NPAS3: variants seen among roughly 807,000 people sequenced by gnomAD.
NPAS3 encodes neuronal PAS domain protein 3.
NPAS3 carries 14 observed loss-of-function variants against 73.1 expected under a neutral mutation model. The observed-to-expected ratio is 0.19, with a 90% confidence interval of 0.13 to 0.30. The LOEUF (loss-of-function observed/expected upper bound fraction) is 0.30, where lower values mean the gene tolerates loss of function less well. Ranked by LOEUF, NPAS3 falls within the 10% of genes least tolerant of loss-of-function variation. NPAS3 has a pLI of 1.00. For synonymous variants in NPAS3, 620 were observed against 541.5 expected (o/e 1.14, Z -2.01); for missense variants, 1,096 against 1,250.0 (o/e 0.88, Z 1.86).
intron 3 of NPAS3, among the ~76,000 whole-genome samples, chr14:33,340,092 A>G (rs1382847596): frequency 6.6e-6 from 1 of 152,156 alleles, no homozygotes; most frequent in Non-Finnish European, 1.5e-5. Context: ...TTTTTGAATA[A>G]GGAAACATAT....
chr14:33,234,406 T>G (rs2047958021), intron 3 of NPAS3, among the ~76,000 whole-genome samples: 1 of 152,146 alleles, frequency 6.6e-6, no homozygotes, highest in Non-Finnish European at 1.5e-5. Context: ...ATTTGAAAGA[T>G]AAACTGTGGT....
chr14:33,270,727 T>G (rs1206254866), intron 3 of NPAS3, among the ~76,000 whole-genome samples: 4 of 152,208 alleles, frequency 2.6e-5, no homozygotes, highest in African/African-American at 9.6e-5. Flanking sequence ...TTAAAATAAC[T>G]TTGTGGCTTT....
At chr14:33,661,552 C>G (rs1457695756) in intron 5 of NPAS3, among the ~76,000 whole-genome samples, 1 of 152,290 alleles carries the variant, frequency 6.6e-6, no homozygotes. Flanking sequence ...TATTACAATA[C>G]ATATTATTTT....
At chr14:32,986,647 CT>C (rs1173736329) in intron 1 of NPAS3, among the ~76,000 whole-genome samples, 1 of 152,180 alleles carries the variant, frequency 6.6e-6, no homozygotes, top group Non-Finnish European at 1.5e-5. Flanking sequence ...GTGTCTCATT[CT>C]ACATTTTTAA....
At chr14:33,047,906 A>G (rs750019866) in intron 1 of NPAS3, among the ~76,000 whole-genome samples, 24 of 152,106 alleles carry the variant, frequency 1.6e-4, no homozygotes, top group Non-Finnish European at 2.8e-4. Flanking sequence ...TCCATCTGAG[A>G]TTTGCTGTAT....
intron 5 of NPAS3, among the ~76,000 whole-genome samples, chr14:33,590,107 T>C (rs1025854707): frequency 2.0e-5 from 3 of 152,204 alleles, no homozygotes; most frequent in Admixed American, 6.5e-5. Flanking sequence ...AGATTATTTA[T>C]ATAAGTTCAA....
chr14:33,386,824 G>A (rs1355870380), intron 4 of NPAS3, among the ~76,000 whole-genome samples: 6 of 152,116 alleles, frequency 3.9e-5, no homozygotes, highest in Non-Finnish European at 5.9e-5. Context: ...TGAGAATCAG[G>A]TGGGCGTCTT....
chr14:33,344,702 A>G lies in NPAS3; in HGVS notation c.386-22484A>G, dbSNP rs144216501. On this transcript the variant is annotated intron_variant, in intron 3 of 11. Coordinates refer to ENST00000356141, the Ensembl canonical transcript of NPAS3. ...AACATTTGAATCATATAATAAAGCA[A>G]TTTTGTCAATTTATATCTCTCTTTA... 6.0e-4 allele frequency among the ~76,000 whole-genome samples: 91 copies of G among 152,318 alleles called. 2 individuals carry two copies. The East Asian group carries it at 0.013, about 22-fold the overall frequency.
chr14:33,142,888 G>T (rs1422600679), intron 2 of NPAS3, among the ~76,000 whole-genome samples: 1 of 152,070 alleles, frequency 6.6e-6, no homozygotes, highest in African/African-American at 2.4e-5. Context: ...GATCACCTGA[G>T]GTCAGGAGTT....
At chr14:33,555,880 A>G (rs944257573) in intron 4 of NPAS3, among the ~76,000 whole-genome samples, 11 of 121,108 alleles carry the variant, frequency 9.1e-5, no homozygotes, top group Admixed American at 1.9e-4. Flanking sequence ...AAATTAACCA[A>G]TTGTTGTTGG....
At chr14:33,578,459 G>A in intron 5 of NPAS3, 2 of 341,832 alleles carry the variant, frequency 5.9e-6, no homozygotes, top group South Asian at 4.5e-5. Context: ...CTCCCAAAGT[G>A]CTGGGATTAC....
At position 33,543,260 on chromosome 14, in the gene NPAS3, A is replaced by G. The variant is rs955852689; in HGVS notation, c.469-16861A>G. Among the ~76,000 whole-genome samples the G allele has an allele frequency of 5.9e-5, 9 of 152,178 alleles. No homozygotes were observed. In the South Asian group the frequency reaches 1.0e-3, roughly 17 times the overall value. The stretch of plus-strand genomic sequence containing the variant: ...CCCATTTTCATCTGCTTCCAGTTAT[A>G]TATGAAGAGGGGACAGTGGAAATAA... On this transcript the variant is annotated intron_variant, in intron 4 of 11. Coordinates refer to ENST00000356141, the Ensembl canonical transcript of NPAS3.
intron 5 of NPAS3, among the ~76,000 whole-genome samples, chr14:33,589,757 A>G (rs1219070483): frequency 6.6e-6 from 1 of 152,216 alleles, no homozygotes; most frequent in Non-Finnish European, 1.5e-5. Context: ...CTAATTATTA[A>G]CACCTGATTA....
intron 4 of NPAS3, among the ~76,000 whole-genome samples, chr14:33,474,330 A>G (rs2050920785): frequency 6.6e-6 from 1 of 152,222 alleles, no homozygotes; most frequent in African/African-American, 2.4e-5. Context: ...ATCATTATAA[A>G]GAAATATATC....
chr14:33,121,002 A>T (rs2139034800), intron 2 of NPAS3, among the ~76,000 whole-genome samples: 1 of 152,276 alleles, frequency 6.6e-6, no homozygotes, highest in African/African-American at 2.4e-5. Flanking sequence ...ATTATCTTTC[A>T]GAAATATAGT....
rs2047909181 is a variant in NPAS3, at chr14:33,411,188, T to A, written c.468+43920T>A. ...CAATGTCTGGAGGCTTTTTGTTTTT[T>A]CGTTGTTTTGTTGTTTTTGAGACGG... On this transcript the variant is annotated intron_variant, in intron 4 of 11. Coordinates refer to ENST00000356141, the Ensembl canonical transcript of NPAS3. Among the ~76,000 whole-genome samples the A allele has an allele frequency of 2.0e-5, 3 of 152,016 alleles. No homozygotes were observed. The South Asian group carries it at 6.2e-4, about 32-fold the overall frequency.
At chr14:33,521,194 C>T (rs921698270) in intron 4 of NPAS3, among the ~76,000 whole-genome samples, 1 of 152,024 alleles carries the variant, frequency 6.6e-6, no homozygotes, top group Non-Finnish European at 1.5e-5. Context: ...GGCACTTAAC[C>T]TACATTAGAC....
At chr14:33,034,242 TA>T (rs1439271775) in intron 1 of NPAS3, among the ~76,000 whole-genome samples, 1 of 152,006 alleles carries the variant, frequency 6.6e-6, no homozygotes, top group Non-Finnish European at 1.5e-5. Flanking sequence ...AATATGTTTC[TA>T]AAGTAGGATT....
intron 2 of NPAS3, among the ~76,000 whole-genome samples, chr14:33,065,243 G>T (rs2041238946): frequency 1.3e-5 from 2 of 152,134 alleles, no homozygotes; most frequent in African/African-American, 4.8e-5. Flanking sequence ...AGCTAGTGGT[G>T]AGAAAGGTGT....
Sources: gnomAD v4.1 joint callset for allele counts (sites outside exome capture counted in the v4.1 genomes callset) on GRCh38, gnomAD v4.1.1 for gene constraint, MANE v1.5 for transcripts, NCBI Gene and HGNC (gene_info 2026-07-23, HGNC 2026-07-21) for gene names.